TEX15: variants seen among roughly 807,000 people sequenced by gnomAD.
TEX15 encodes the protein testis expressed 15, meiosis and synapsis associated, also known as testis-expressed protein 15.
In TEX15, 171 loss-of-function variants were observed where a neutral mutation model predicts 237.3. That is an observed-to-expected ratio of 0.72 (90% CI 0.64 to 0.82). The LOEUF (loss-of-function observed/expected upper bound fraction) is 0.82, where lower values mean the gene tolerates loss of function less well. TEX15 is among the 40% of genes least tolerant of loss of function. The pLI, the probability that TEX15 is intolerant of heterozygous loss-of-function variation, is 0.00. For missense variants in TEX15, 3,750 were observed against 3,646.5 expected (o/e 1.03, Z -0.73); for synonymous variants, 1,338 against 1,269.8 (o/e 1.05, Z -1.14).
At chr8:30,875,253 A>G (rs1245163594) in intron 3 of TEX15, among the ~76,000 whole-genome samples, 151 bp from the exon 4 acceptor site, 5 of 152,236 alleles carry the variant, frequency 3.3e-5, no homozygotes, top group African/African-American at 1.2e-4. Context: ...AGATTCTACA[A>G]CAGTAATGTA....
At position 30,845,331 on chromosome 8, in the gene TEX15, T is replaced by G; in HGVS notation, c.4836A>C (p.Ile1612=). 6.2e-7 allele frequency: 1 copy of G among 1,612,766 alleles called. No homozygotes were observed. The highest frequency in any genetic ancestry group is 8.5e-7 in the Non-Finnish European group (1 of 1,179,212). Residue 1612 remains isoleucine (I), a synonymous_variant, in exon 8 of 11, where the codon ATA becomes ATC. Coordinates refer to ENST00000643185, the MANE Select transcript of TEX15 (RefSeq NM_001350162.2). ...KENSCDANEV[I]NESNSVSLSC... ...TTAAAGATACAGAATTACTTTCATT[T>G]ATTACTTCATTAGCGTCACAACTGT...
intron 5 of TEX15, among the ~76,000 whole-genome samples, chr8:30,865,436 G>A (rs919904487): frequency 4.6e-5 from 7 of 152,054 alleles, no homozygotes; most frequent in Admixed American, 3.9e-4. Context: ...TGAAGGGGAG[G>A]AGATACTTCC....
intron 2 of TEX15, 96 bp from the exon 3 acceptor site, chr8:30,887,407 T>C (rs1808676058): frequency 1.8e-6 from 2 of 1,111,570 alleles, no homozygotes; most frequent in East Asian, 3.0e-5. Flanking sequence ...CAAAAGTAAA[T>C]GGTAAAATGT....
rs761011296 is a variant in TEX15, at chr8:30,849,212, C to T, written c.955G>A (p.Val319Ile). 1 of 1,536,530 alleles carries T rather than the reference C, an allele frequency of 6.5e-7. No individual in the cohort carries two copies. Among genetic ancestry groups the T allele is most frequent in the South Asian group, 1.2e-5 (1 of 84,138 alleles). Residue 319 changes from valine to isoleucine, a missense_variant, in exon 8 of 11, where the codon GTT (valine) becomes ATT (isoleucine). Physicochemically the swap from Val to Ile is conservative, Grantham distance 29. Transcript: ENST00000643185. ...VHFKKPVDPF[V>I]QENCLCNALN... ...GCATTGCATAAACAGTTTTCTTGAA[C>T]AAATGGATCTACAGGTTTCTTGAAA...
Position 30,836,827 on chromosome 8 carries a change from G to A in TEX15, c.9457C>T (p.Pro3153Ser). ...CCATAAACCCAAGGAACTTCTGGAG[G>A]CACAAATCGATTAGGAAGGTAAGGG... Reference protein sequence around the residue: ...TYPYLPNRFVPPEVPWVYAPW... With the variant: ...TYPYLPNRFVSPEVPWVYAPW... Residue 3153 changes from proline to serine, a missense_variant, in exon 10 of 11, where the codon CCT becomes TCT. Coordinates refer to ENST00000643185, the MANE Select transcript of TEX15 (RefSeq NM_001350162.2). The A allele has an allele frequency of 6.2e-7, 1 of 1,608,806 alleles. No individual in the cohort carries two copies. The highest frequency in any genetic ancestry group is 8.5e-7 in the Non-Finnish European group (1 of 1,177,650).
intron 2 of TEX15, among the ~76,000 whole-genome samples, chr8:30,898,253 T>A (rs1808943468): frequency 6.6e-6 from 1 of 152,142 alleles, no homozygotes; most frequent in African/African-American, 2.4e-5. Flanking sequence ...AACCTAAACA[T>A]CAGAGTGATG....
chr8:30,896,073 T>A (rs910690275), intron 2 of TEX15, among the ~76,000 whole-genome samples: 15 of 152,174 alleles, frequency 9.9e-5, no homozygotes, highest in Middle Eastern at 3.2e-3. Flanking sequence ...GAAGTTCGAC[T>A]ATTGGTACCT....
At position 30,848,666 on chromosome 8, in the gene TEX15, T is replaced by C. The variant is rs760243340; in HGVS notation, c.1501A>G (p.Thr501Ala). 43 of 1,613,918 alleles carry C rather than the reference T, an allele frequency of 2.7e-5. No individual in the cohort carries two copies. The Admixed American group carries it at 7.2e-4, about 27-fold the overall frequency. ...TNGLDTPCFK[T>A]SVNDSQSWAH... is the part of the protein sequence containing the mutation. ...CAAGATTGTGAATCATTAACAGAAG[T>C]TTTAAAGCAAGGGGTATCCAAACCA... The change falls in exon 8 of 11, where the codon ACT (threonine) becomes GCT (alanine). Residue 501 changes from threonine (T) to alanine (A), a missense_variant. By Grantham distance (58) the Thr-to-Ala change is moderately conservative. Transcript: ENST00000643185.
chr8:30,844,787 C>T lies in TEX15; in HGVS notation c.5380G>A (p.Asp1794Asn), dbSNP rs756260222. 1.2e-6 allele frequency: 2 copies of T among 1,613,336 alleles called. No individual in the cohort carries two copies. Among genetic ancestry groups the T allele is most frequent in the East Asian group, 2.2e-5 (1 of 44,874 alleles). The change falls in exon 8 of 11, where the codon GAT becomes AAT. Residue 1794 changes from aspartate to asparagine, a missense_variant. Physicochemically the swap from Asp to Asn is conservative, Grantham distance 23. Coordinates refer to ENST00000643185, the MANE Select transcript of TEX15 (RefSeq NM_001350162.2). Reference sequence around the variant, plus strand: ...TCTTCTTCAGTTCCTGATGCTACATCCAACTCATAATTCTCAGTGACATTT... The same window carrying T: ...TCTTCTTCAGTTCCTGATGCTACATTCAACTCATAATTCTCAGTGACATTT... The part of the protein sequence containing the change: ...ETNVTENYEL[D>N]VASGTEEDKS...
intron 2 of TEX15, among the ~76,000 whole-genome samples, 192 bp downstream of exon 2, chr8:30,898,550 G>C (rs777516745): frequency 2.6e-5 from 4 of 152,110 alleles, no homozygotes; most frequent in Non-Finnish European, 4.4e-5. Flanking sequence ...AGTAGATTAA[G>C]ACAGTACCCA....
In TEX15 at chr8:30,844,826, C is replaced by G. The variant is rs747809375; in HGVS notation, c.5341G>C (p.Asp1781His). Residue 1781 changes from aspartate (D) to histidine (H), a missense_variant, in exon 8 of 11, where the codon GAT becomes CAT. By Grantham distance (81) the Asp-to-His change is moderately conservative (BLOSUM62 -1). Coordinates refer to ENST00000643185, the MANE Select transcript of TEX15 (RefSeq NM_001350162.2). ...QCSSGNCLHTDGNETNVTENY... is the reference protein window; with the variant it reads ...QCSSGNCLHTHGNETNVTENY... ...TCAGTGACATTTGTTTCATTCCCAT[C>G]TGTATGGAGGCAATTACCTGAAGAG... is the stretch of plus-strand genomic sequence containing the variant. 6.2e-7 allele frequency: 1 copy of G among 1,613,520 alleles called. No homozygotes were observed. Among genetic ancestry groups the G allele is most frequent in the Non-Finnish European group, 8.5e-7 (1 of 1,179,582 alleles).
rs899573261 is a variant in TEX15 at position 30,909,768 on chromosome 8, T to C, written c.-86+3111A>G. Among the ~76,000 whole-genome samples the C allele has an allele frequency of 2.2e-4, 33 of 152,102 alleles. 1 individual carries two copies. Among genetic ancestry groups the C allele is most frequent in the African/African-American group, 1.2e-4 (5 of 41,398 alleles). On this transcript the variant is annotated intron_variant, in intron 1 of 10. Transcript: ENST00000643185. ...GAACATCAATTTTAAACATGCTTAA[T>C]TGAACAAAAAAATTAGTTCCTCTTT...
chr8:30,847,705 T>C lies in TEX15; in HGVS notation c.2462A>G (p.Gln821Arg). 6.2e-7 allele frequency: 1 copy of C among 1,613,942 alleles called. No homozygotes were observed. Residue 821 changes from glutamine to arginine, a missense_variant, in exon 8 of 11, where the codon CAG (glutamine) becomes CGG (arginine). Gln to Arg is a conservative substitution (Grantham distance 43). Coordinates refer to ENST00000643185, the MANE Select transcript of TEX15 (RefSeq NM_001350162.2). ...ATAAGCAGTTTCTTTATAGTCTCTC[T>C]GAATGTTCTCTAATGACACTGGTTC... ...ENEPVSLENI[Q>R]RDYKETAYVE...
chr8:30,882,246 C>T (rs1808544111), intron 3 of TEX15, among the ~76,000 whole-genome samples: 1 of 152,142 alleles, frequency 6.6e-6, no homozygotes, highest in South Asian at 2.1e-4. Context: ...ATTTACTTTT[C>T]TGTTTGCATG....
At chr8:30,907,366 A>G (rs961520027) in intron 1 of TEX15, among the ~76,000 whole-genome samples, 2 of 151,768 alleles carry the variant, frequency 1.3e-5, no homozygotes, top group Non-Finnish European at 2.9e-5. Context: ...CCTGGGCTCA[A>G]GCAATCTTTC....
intron 3 of TEX15, among the ~76,000 whole-genome samples, chr8:30,882,081 T>C (rs1259107411): frequency 2.0e-5 from 3 of 152,204 alleles, no homozygotes; most frequent in Non-Finnish European, 2.9e-5. Flanking sequence ...ATTTTAGTTA[T>C]ATATTTCCTT....
chr8:30,848,190 G>T lies in TEX15; in HGVS notation c.1977C>A (p.Tyr659Ter), dbSNP rs1807670488. 6.2e-7 allele frequency: 1 copy of T among 1,611,720 alleles called. No homozygotes were observed. Among genetic ancestry groups the T allele is most frequent in the East Asian group, 2.2e-5 (1 of 44,854 alleles). Residue 659 changes from tyrosine (Y) to a stop codon, truncating the protein, a stop_gained, in exon 8 of 11, where the codon TAC becomes TAA. Transcript: ENST00000643185. LOFTEE classifies it high-confidence loss of function. ...NETKISPIDNYIVLHQEYKES... is the reference protein window; with the variant it reads ...NETKISPIDN The stretch of plus-strand genomic sequence containing the variant: ...CTTTGTATTCTTGGTGCAAAACAAT[G>T]TAATTATCTATTGGACTGATTTTTG...
Position 30,842,584 on chromosome 8 carries a change from T to C in TEX15, c.7583A>G (p.Tyr2528Cys), listed in dbSNP as rs1807486564. Reference protein sequence around the residue: ...LKKDLDIICKYNEAVNCSYAI... With the variant: ...LKKDLDIICKCNEAVNCSYAI... ...ATATGAGCAATTAACAGCTTCATTA[T>C]ATTTGCAGATAATATCCAGATCTTT... is the stretch of plus-strand genomic sequence containing the variant. The change falls in exon 8 of 11, where the codon TAT (tyrosine) becomes TGT (cysteine). Residue 2528 changes from tyrosine (Y) to cysteine (C), a missense_variant. By Grantham distance (194) the Tyr-to-Cys change is radical. Coordinates refer to ENST00000643185, the MANE Select transcript of TEX15 (RefSeq NM_001350162.2). 6.2e-7 allele frequency: 1 copy of C among 1,610,694 alleles called. No individual in the cohort carries two copies. The highest frequency in any genetic ancestry group is 2.2e-5 in the East Asian group (1 of 44,850).
chr8:30,885,167 C>T (rs1808617962), intron 3 of TEX15, among the ~76,000 whole-genome samples: 1 of 151,986 alleles, frequency 6.6e-6, no homozygotes, highest in African/African-American at 2.4e-5. Context: ...GGGCCCCCTA[C>T]TTGATCATCT....
Sources: gnomAD v4.1 joint callset for allele counts (sites outside exome capture counted in the v4.1 genomes callset) on GRCh38, gnomAD v4.1.1 for gene constraint, MANE v1.5 for transcripts, NCBI Gene and HGNC (gene_info 2026-07-23, HGNC 2026-07-21) for gene names.